DEPDC1B: variants seen among roughly 807,000 people sequenced by gnomAD.
The protein encoded by DEPDC1B is DEP domain containing 1B, also known as DEP domain-containing protein 1B.
Under a neutral mutation model 66.5 loss-of-function variants are expected in DEPDC1B, and 51 were observed. That is an observed-to-expected ratio of 0.77 (90% CI 0.61 to 0.97). The LOEUF is 0.97. Ranked by LOEUF, DEPDC1B falls within the 50% of genes least tolerant of loss-of-function variation. DEPDC1B has a pLI of 0.00. For synonymous variants in DEPDC1B, 226 were observed against 223.6 expected, an observed-to-expected ratio of 1.01 and a Z score of -0.10; for missense variants, 552 against 637.1, an observed-to-expected ratio of 0.87 and a Z score of 1.44.
chr5:60,668,542 C>T (rs1449299306), intron 2 of DEPDC1B, among the ~76,000 whole-genome samples: 1 of 151,900 alleles, frequency 6.6e-6, no homozygotes, highest in Admixed American at 6.6e-5. Flanking sequence ...TCCCAAAATG[C>T]TGGGATTACA....
At chr5:60,688,709 T>G (rs1466918045) in intron 1 of DEPDC1B, among the ~76,000 whole-genome samples, 1 of 152,192 alleles carries the variant, frequency 6.6e-6, no homozygotes, top group East Asian at 1.9e-4. Context: ...TGCCAATAAC[T>G]ATGTGGCTTT....
chr5:60,614,686 G>GT (rs1214996718), intron 7 of DEPDC1B, among the ~76,000 whole-genome samples: 1 of 152,130 alleles, frequency 6.6e-6, no homozygotes, highest in Non-Finnish European at 1.5e-5. Flanking sequence ...GAAATGTTAG[G>GT]TTTTTTAAAG....
chr5:60,622,201 C>T (rs565833620), intron 7 of DEPDC1B, among the ~76,000 whole-genome samples: 2 of 152,222 alleles, frequency 1.3e-5, no homozygotes, highest in Middle Eastern at 3.4e-3. Context: ...TTCCGCCCCC[C>T]CAAAGAATCT....
chr5:60,673,878 G>A (rs75665684), intron 2 of DEPDC1B, among the ~76,000 whole-genome samples: 10,895 of 152,100 alleles, frequency 0.072, 660 homozygotes, highest in East Asian at 0.2. Flanking sequence ...TCAGTCAGCC[G>A]TGCTCCTTTC....
intron 2 of DEPDC1B, among the ~76,000 whole-genome samples, chr5:60,664,143 A>C (rs906249255): frequency 5.3e-5 from 8 of 152,190 alleles, no homozygotes; most frequent in Non-Finnish European, 1.0e-4. Flanking sequence ...CCCCAGTGTT[A>C]AGCTTGCCAA....
chr5:60,618,545 G>T (rs924498321), intron 7 of DEPDC1B, among the ~76,000 whole-genome samples: 4 of 152,186 alleles, frequency 2.6e-5, no homozygotes, highest in South Asian at 4.1e-4. Flanking sequence ...TGGAAGAAAT[G>T]GATAAATTCC....
chr5:60,687,811 C>A, intron 1 of DEPDC1B: 1 of 212,802 alleles, frequency 4.7e-6, no homozygotes, highest in South Asian at 5.2e-5. Flanking sequence ...CAGGAGTGAG[C>A]CACTGCACCC....
chr5:60,597,703 A>G lies in DEPDC1B; in HGVS notation c.*50T>C, dbSNP rs1264681507. The G allele has an allele frequency of 1.3e-6, 2 of 1,560,124 alleles. No individual in the cohort carries two copies. The highest frequency in any genetic ancestry group is 4.3e-5 in the Admixed American group (2 of 46,944). On this transcript the variant is annotated 3_prime_UTR_variant, in exon 11 of 11. Transcript: ENST00000265036. Reference sequence around the variant, plus strand: ...AAAGTCTTTCTCCTAACCACCATTCACTCAAAACAACAACAGTGGTCTCTA... The same window carrying G: ...AAAGTCTTTCTCCTAACCACCATTCGCTCAAAACAACAACAGTGGTCTCTA...
At chr5:60,657,642 G>T (rs1244929709) in intron 2 of DEPDC1B, among the ~76,000 whole-genome samples, 1 of 152,130 alleles carries the variant, frequency 6.6e-6, no homozygotes, top group Non-Finnish European at 1.5e-5. Flanking sequence ...AGCTTGCAGG[G>T]TTTCTGCTAA....
intron 5 of DEPDC1B, among the ~76,000 whole-genome samples, chr5:60,643,792 A>G (rs950277265): frequency 4.6e-5 from 7 of 152,180 alleles, no homozygotes; most frequent in South Asian, 2.1e-4. Context: ...AGTCACCACA[A>G]ACTTATTTGT....
Position 60,668,209 on chromosome 5 carries a change from A to T in DEPDC1B, c.314+18753T>A, listed in dbSNP as rs867156911. On this transcript the variant is annotated intron_variant, in intron 2 of 10. Transcript: ENST00000265036. ...TATATATATATAAAATGGATATTTT[A>T]TATATATATATAAAATGGATATTTT... is the stretch of plus-strand genomic sequence containing the variant. Among the ~76,000 whole-genome samples, 2 of 62,740 alleles carry T rather than the reference A, an allele frequency of 3.2e-5. 1 individual carries two copies. 41.2% of individuals were successfully genotyped at this position (62,740 alleles called of 152,430 possible). A position where few individuals can be genotyped will look rare whatever the true frequency, so the allele number is the denominator to read the frequency against.
At chr5:60,642,447 C>T (rs1425048185) in intron 6 of DEPDC1B, among the ~76,000 whole-genome samples, 1 of 152,184 alleles carries the variant, frequency 6.6e-6, no homozygotes, top group African/African-American at 2.4e-5. Context: ...AAAATCCTCA[C>T]AGGGACCACC....
chr5:60,605,115 T>C (rs528060854), intron 8 of DEPDC1B, among the ~76,000 whole-genome samples: 40 of 152,222 alleles, frequency 2.6e-4, no homozygotes, highest in Non-Finnish European at 4.4e-4. Flanking sequence ...CATATGCCAA[T>C]AGAAGCAGAG....
chr5:60,639,675 T>C (rs1753143357), intron 6 of DEPDC1B, among the ~76,000 whole-genome samples: 1 of 152,082 alleles, frequency 6.6e-6, no homozygotes, highest in African/African-American at 2.4e-5. Flanking sequence ...CTCTACAGAG[T>C]TGGCAACAAC....
At chr5:60,608,158 T>C (rs1378104904) in intron 7 of DEPDC1B, among the ~76,000 whole-genome samples, 1 of 152,182 alleles carries the variant, frequency 6.6e-6, no homozygotes, top group African/African-American at 2.4e-5. Context: ...GCGGTTGAAC[T>C]GGTAATAACT....
intron 1 of DEPDC1B, 75 bp from the exon 2 acceptor site, chr5:60,687,302 G>A: frequency 6.7e-7 from 1 of 1,496,456 alleles, no homozygotes; most frequent in Non-Finnish European, 9.0e-7. Flanking sequence ...AATAATTAAA[G>A]CAAAGAATGC....
chr5:60,684,323 A>C (rs1321918991), intron 2 of DEPDC1B, among the ~76,000 whole-genome samples: 1 of 152,174 alleles, frequency 6.6e-6, no homozygotes. Context: ...CAAAGCTGAC[A>C]GCATCACACT....
intron 2 of DEPDC1B, among the ~76,000 whole-genome samples, chr5:60,661,888 C>T (rs1753723846): frequency 6.6e-6 from 1 of 152,072 alleles, no homozygotes; most frequent in South Asian, 2.1e-4. Flanking sequence ...AACTTGCGTG[C>T]TAGAAGGACT....
At chr5:60,664,858 A>G (rs1753802734) in intron 2 of DEPDC1B, among the ~76,000 whole-genome samples, 1 of 152,220 alleles carries the variant, frequency 6.6e-6, no homozygotes, top group Non-Finnish European at 1.5e-5. Flanking sequence ...CCCGTGCAAC[A>G]ATATGGAGAG....
Sources: allele counts gnomAD v4.1 joint callset (sites outside exome capture counted in the v4.1 genomes callset), GRCh38; gene constraint gnomAD v4.1.1; transcripts MANE v1.5; gene names NCBI Gene and HGNC (gene_info 2026-07-23, HGNC 2026-07-21).